UBE2K: variants seen among roughly 807,000 people sequenced by gnomAD.
UBE2K encodes ubiquitin-conjugating enzyme E2 K.
In UBE2K, 6 loss-of-function variants were observed where a neutral mutation model predicts 30.0. The observed-to-expected ratio is 0.20, with a 90% confidence interval of 0.11 to 0.39. The LOEUF (loss-of-function observed/expected upper bound fraction) is 0.39, where lower values mean the gene tolerates loss of function less well. Ranked by LOEUF, UBE2K falls within the 10% of genes least tolerant of loss-of-function variation. UBE2K has a pLI of 1.00. For missense variants in UBE2K, 61 were observed against 241.6 expected, an observed-to-expected ratio of 0.25 and a Z score of 4.96; for synonymous variants, 86 against 83.7, an observed-to-expected ratio of 1.03 and a Z score of -0.15.
chr4:39,704,195 G>T (rs1015072493), intron 1 of UBE2K, among the ~76,000 whole-genome samples: 1 of 151,928 alleles, frequency 6.6e-6, no homozygotes, highest in Non-Finnish European at 1.5e-5. Flanking sequence ...GGTCGAGGCT[G>T]CAGTGAGCGG....
intron 1 of UBE2K, among the ~76,000 whole-genome samples, chr4:39,727,811 C>G (rs554393600): frequency 6.6e-6 from 1 of 151,826 alleles, no homozygotes; most frequent in South Asian, 2.1e-4. Flanking sequence ...TTCTTACTGG[C>G]ATACATTGAG....
At position 39,752,921 on chromosome 4, in the gene UBE2K, G is replaced by A. The variant is rs569293421; in HGVS notation, c.217-2736G>A. 7.9e-5 allele frequency among the ~76,000 whole-genome samples: 12 copies of A among 152,076 alleles called. No homozygotes were observed. The East Asian group carries it at 1.7e-3, about 22-fold the overall frequency. On this transcript the variant is annotated intron_variant, in intron 3 of 6. Coordinates refer to ENST00000261427, the MANE Select transcript of UBE2K (RefSeq NM_005339.5). ...TGTAATCCCAGCAGTTTGGGAGGCCGAGAGGGGAGGATTGCCTGAGCCCAG... is the reference window on the plus strand; with the variant it reads ...TGTAATCCCAGCAGTTTGGGAGGCCAAGAGGGGAGGATTGCCTGAGCCCAG...
Position 39,757,011 on chromosome 4 carries a change from G to GTTTTTTTTTTTTTTTTTTT in UBE2K, c.299+1278_299+1279insTTTTTTTTTTTTTTTTTTT, listed in dbSNP as rs1354761879. Reference sequence around the variant, plus strand: ...ATGTTTTTTTGGGTGTTTTTTTTTTGTTTTTTGTTTTTTGTTTTTTGTTTT... The same window carrying GTTTTTTTTTTTTTTTTTTT: ...ATGTTTTTTTGGGTGTTTTTTTTTTGTTTTTTTTTTTTTTTTTTTTTTTTTGTTTTTTGTTTTTTGTTTT... On this transcript the variant is annotated intron_variant, in intron 4 of 6. Transcript: ENST00000261427. 2.3e-4 allele frequency among the ~76,000 whole-genome samples: 18 copies of GTTTTTTTTTTTTTTTTTTT among 76,822 alleles called. 3 individuals carry two copies. Among genetic ancestry groups the GTTTTTTTTTTTTTTTTTTT allele is most frequent in the Non-Finnish European group, 3.3e-4 (13 of 39,720 alleles). The allele number at this position is 76,822 out of a possible 152,430, so 50.4% of individuals were successfully genotyped here. A position where few individuals can be genotyped will look rare whatever the true frequency, so the allele number is the denominator to read the frequency against.
chr4:39,749,351 C>T (rs1429082456), intron 3 of UBE2K, among the ~76,000 whole-genome samples: 1 of 151,972 alleles, frequency 6.6e-6, no homozygotes, highest in African/African-American at 2.4e-5. Context: ...AAATATAGTC[C>T]AGTGGTGTAT....
chr4:39,736,476 T>G (rs1441217989), intron 1 of UBE2K, among the ~76,000 whole-genome samples: 1 of 152,148 alleles, frequency 6.6e-6, no homozygotes, highest in Non-Finnish European at 1.5e-5. Context: ...AAAAGGAAGA[T>G]GTAACCTGTT....
chr4:39,754,614 A>C (rs982422555), intron 3 of UBE2K, among the ~76,000 whole-genome samples: 4 of 152,130 alleles, frequency 2.6e-5, no homozygotes, highest in Admixed American at 2.6e-4. Context: ...GATTCAAGTA[A>C]TCCTCATGCC....
intron 1 of UBE2K, among the ~76,000 whole-genome samples, chr4:39,735,887 TAAA>T (rs949290087): frequency 1.1e-4 from 17 of 152,220 alleles, no homozygotes; most frequent in Non-Finnish European, 2.2e-4. Flanking sequence ...ATGTTTTTAT[TAAA>T]AAACAGGATT....
At chr4:39,775,393 G>A (rs1713227263) in intron 5 of UBE2K, among the ~76,000 whole-genome samples, 1 of 152,160 alleles carries the variant, frequency 6.6e-6, no homozygotes, top group Non-Finnish European at 1.5e-5. Flanking sequence ...TCTAGCTACA[G>A]TGGCTGAGTT....
At chr4:39,771,369 C>T in intron 4 of UBE2K, 4 of 1,612,800 alleles carry the variant, frequency 2.5e-6, no homozygotes, top group South Asian at 1.1e-5. Context: ...GGAGCTTGTT[C>T]ATGTTCCGTA....
At chr4:39,723,176 T>C (rs1719522187) in intron 1 of UBE2K, among the ~76,000 whole-genome samples, 1 of 151,602 alleles carries the variant, frequency 6.6e-6, no homozygotes, top group Non-Finnish European at 1.5e-5. Context: ...CCTGAGTAGC[T>C]GGGACTACAG....
chr4:39,714,550 A>ATATATATATATATATATT, intron 1 of UBE2K: 1 of 17,854 alleles, frequency 5.6e-5, no homozygotes, highest in Non-Finnish European at 8.7e-5. Context: ...ATATATATAT[A>ATATATATATATATATATT]TTTTTTTTTT....
At chr4:39,738,925 T>C (rs1320706323) in intron 2 of UBE2K, among the ~76,000 whole-genome samples, 1 of 152,214 alleles carries the variant, frequency 6.6e-6, no homozygotes, top group Non-Finnish European at 1.5e-5. Context: ...TCCGCCTGTC[T>C]TGGCCTCCCA....
intron 4 of UBE2K, among the ~76,000 whole-genome samples, chr4:39,767,564 T>C (rs1372118348): frequency 6.6e-6 from 1 of 151,946 alleles, no homozygotes; most frequent in African/African-American, 2.4e-5. Context: ...ACCTTGTGAT[T>C]CACCCACCTC....
At chr4:39,723,405 G>A (rs1719541136) in intron 1 of UBE2K, among the ~76,000 whole-genome samples, 1 of 123,276 alleles carries the variant, frequency 8.1e-6, no homozygotes, top group Admixed American at 1.1e-4. Context: ...GTCTCGCCCT[G>A]TTGCCCGGGC....
At chr4:39,774,443 T>TA (rs760562620) in intron 4 of UBE2K, among the ~76,000 whole-genome samples, 3,685 of 142,404 alleles carry the variant, frequency 0.026, 62 homozygotes, top group Middle Eastern at 0.064. Flanking sequence ...CCGTCTCTAC[T>TA]AAAAAAAAAA....
At chr4:39,753,378 G>A (rs899627977) in intron 3 of UBE2K, among the ~76,000 whole-genome samples, 4 of 152,136 alleles carry the variant, frequency 2.6e-5, no homozygotes, top group Non-Finnish European at 5.9e-5. Context: ...AATGTTTGTT[G>A]TACATAAGCC....
At chr4:39,774,620 A>C (rs1005865185) in intron 4 of UBE2K, among the ~76,000 whole-genome samples, 1 of 152,038 alleles carries the variant, frequency 6.6e-6, no homozygotes, top group Admixed American at 6.5e-5. Flanking sequence ...CTCAGGGGAA[A>C]AAAAGAAAAA....
intron 5 of UBE2K, among the ~76,000 whole-genome samples, chr4:39,776,784 A>G (rs1713307292): frequency 6.6e-6 from 1 of 151,910 alleles, no homozygotes; most frequent in Non-Finnish European, 1.5e-5. Flanking sequence ...CATGTTTTAT[A>G]TATGTGCTAT....
rs950103678 is a variant in UBE2K, at chr4:39,770,536, C to A, written c.300-4298C>A. ...TGGCTGCCCCCCGCCCCCCGGGCAACCATGGCCGCCGCTGCTGCTTCCACC... is the reference window on the plus strand; with the variant it reads ...TGGCTGCCCCCCGCCCCCCGGGCAAACATGGCCGCCGCTGCTGCTTCCACC... On this transcript the variant is annotated intron_variant, in intron 4 of 6. Transcript: ENST00000261427. 12 of 1,599,258 alleles carry A rather than the reference C, an allele frequency of 7.5e-6. No individual in the cohort carries two copies. The South Asian group carries it at 1.2e-4, about 16-fold the overall frequency.
Sources: gnomAD v4.1 joint callset for allele counts (sites outside exome capture counted in the v4.1 genomes callset) on GRCh38, gnomAD v4.1.1 for gene constraint, MANE v1.5 for transcripts, NCBI Gene and HGNC (gene_info 2026-07-23, HGNC 2026-07-21) for gene names.